The following PPA2 variants were observed in gnomAD, a reference collection of about 807,000 sequenced individuals.
PPA2 encodes inorganic pyrophosphatase 2, mitochondrial.
PPA2 carries 48 observed loss-of-function variants against 49.5 expected under a neutral mutation model. The ratio of observed to expected loss-of-function variants is 0.97; its 90% CI spans 0.77 to 1.23. PPA2 has a LOEUF of 1.23. Ranked by LOEUF, PPA2 falls within the 50% of genes most tolerant of loss-of-function variation. The pLI, the probability that PPA2 is intolerant of heterozygous loss-of-function variation, is 0.00. For synonymous variants in PPA2, 131 were observed against 139.9 expected, an observed-to-expected ratio of 0.94 and a Z score of 0.45; for missense variants, 429 against 410.1, an observed-to-expected ratio of 1.05 and a Z score of -0.40.
At chr4:105,398,944 T>C in intron 8 of PPA2, 93 bp downstream of exon 8, 2 of 1,363,510 alleles carry the variant, frequency 1.5e-6, no homozygotes, top group Non-Finnish European at 2.0e-6. Context: ...AACCATGCTA[T>C]ATATACATAT....
intron 7 of PPA2, among the ~76,000 whole-genome samples, chr4:105,421,357 G>A (rs1006127921): frequency 6.6e-6 from 1 of 152,132 alleles, no homozygotes; most frequent in Non-Finnish European, 1.5e-5. Context: ...GAGAAGATGA[G>A]GTGGGAGGTA....
chr4:105,411,641 A>T (rs887700364), intron 7 of PPA2, among the ~76,000 whole-genome samples: 2 of 152,262 alleles, frequency 1.3e-5, no homozygotes, highest in African/African-American at 4.8e-5. Flanking sequence ...GAAAAGAGGA[A>T]GTCAAATTGT....
intron 5 of PPA2, among the ~76,000 whole-genome samples, chr4:105,441,275 C>T (rs567809280): frequency 1.3e-3 from 194 of 152,124 alleles, no homozygotes; most frequent in African/African-American, 4.6e-3. Flanking sequence ...GGCAACCCAA[C>T]TAAAATGGGT....
rs1004842210 is a variant in PPA2 at position 105,398,833 on chromosome 4, T to C, written c.783+204A>G. On this transcript the variant is annotated intron_variant, in intron 8 of 11. Transcript: ENST00000341695. ...AGCTATAGACACATAGATGGAAATA[T>C]ATATTTTTCAGCCTTGTTGATTCAC... The C allele has an allele frequency of 6.8e-6, 3 of 443,478 alleles. No individual in the cohort carries two copies. In the South Asian group the frequency reaches 1.3e-4, roughly 19 times the overall value. The allele number at this position is 443,478 out of a possible 1,614,324, so 27.5% of individuals were successfully genotyped here.
chr4:105,469,172 G>A (rs1457100093), intron 1 of PPA2, among the ~76,000 whole-genome samples: 7 of 152,106 alleles, frequency 4.6e-5, no homozygotes, highest in African/African-American at 1.7e-4. Flanking sequence ...ATAAATGATT[G>A]TAGTCACTGT....
intron 9 of PPA2, among the ~76,000 whole-genome samples, chr4:105,395,979 A>T (rs927360545): frequency 6.6e-6 from 1 of 152,180 alleles, no homozygotes; most frequent in African/African-American, 2.4e-5. Flanking sequence ...TACATGCTGA[A>T]AAATTGCGTT....
chr4:105,373,332 G>A (rs915784168), intron 10 of PPA2, among the ~76,000 whole-genome samples: 3 of 152,036 alleles, frequency 2.0e-5, no homozygotes, highest in Non-Finnish European at 2.9e-5. Flanking sequence ...GGGATTTGAC[G>A]GCTCTGTTTT....
At chr4:105,441,406 A>G (rs1208758354) in intron 5 of PPA2, among the ~76,000 whole-genome samples, 1 of 152,166 alleles carries the variant, frequency 6.6e-6, no homozygotes, top group Non-Finnish European at 1.5e-5. Flanking sequence ...TATTTCAAAA[A>G]CCTAAAAATC....
At chr4:105,381,814 C>T (rs1211472690) in intron 10 of PPA2, among the ~76,000 whole-genome samples, 2 of 151,934 alleles carry the variant, frequency 1.3e-5, no homozygotes, top group African/African-American at 4.8e-5. Flanking sequence ...GAAAACCCAG[C>T]TTTTGTTTTA....
At chr4:105,459,630 G>A (rs1437566716) in intron 1 of PPA2, among the ~76,000 whole-genome samples, 1 of 152,058 alleles carries the variant, frequency 6.6e-6, no homozygotes, top group Non-Finnish European at 1.5e-5. Context: ...AGCTTTATTC[G>A]GAATCACCAA....
intron 7 of PPA2, chr4:105,423,371 TAA>T (rs1010659444): frequency 2.0e-5 from 3 of 151,982 alleles, no homozygotes; most frequent in Non-Finnish European, 4.4e-5. Context: ...GGTTTACAAG[TAA>T]AGAGGATCCT....
At chr4:105,464,404 A>G (rs879556679) in intron 1 of PPA2, among the ~76,000 whole-genome samples, 1 of 152,218 alleles carries the variant, frequency 6.6e-6, no homozygotes, top group African/African-American at 2.4e-5. Flanking sequence ...GCTCATAGGT[A>G]GAAGGGACTT....
chr4:105,386,961 A>G (rs1223374362), intron 9 of PPA2, among the ~76,000 whole-genome samples: 1 of 152,218 alleles, frequency 6.6e-6, no homozygotes, highest in South Asian at 2.1e-4. Flanking sequence ...GAAAAGAGGA[A>G]GCAAATTTGA....
chr4:105,377,601 G>C (rs566756620), intron 10 of PPA2, among the ~76,000 whole-genome samples: 4 of 152,178 alleles, frequency 2.6e-5, no homozygotes, highest in South Asian at 4.1e-4. Flanking sequence ...AATTTGATAA[G>C]TTTTGACATA....
At chr4:105,454,334 G>C (rs1173715021) in intron 2 of PPA2, among the ~76,000 whole-genome samples, 4 of 147,744 alleles carry the variant, frequency 2.7e-5, no homozygotes, top group Admixed American at 1.3e-4. Context: ...TGTTGTTGTT[G>C]TTGTTGTTTT....
At chr4:105,385,633 T>C (rs1733651055) in intron 10 of PPA2, among the ~76,000 whole-genome samples, 1 of 152,080 alleles carries the variant, frequency 6.6e-6, no homozygotes, top group African/African-American at 2.4e-5. Flanking sequence ...ATACAAGTAA[T>C]ATTACTTGAT....
At chr4:105,400,535 A>C (rs1269639550) in intron 7 of PPA2, among the ~76,000 whole-genome samples, 1 of 152,208 alleles carries the variant, frequency 6.6e-6, no homozygotes, top group Non-Finnish European at 1.5e-5. Context: ...CAGGAGGCTG[A>C]GGCAGGAGAA....
rs1186281018 is a variant in PPA2 at position 105,369,308 on chromosome 4, T to G, written c.*417A>C. 2.0e-5 allele frequency: 3 copies of G among 153,760 alleles called. No individual in the cohort carries two copies. Among genetic ancestry groups the G allele is most frequent in the African/African-American group, 7.3e-5 (3 of 41,144 alleles). 9.5% of individuals were successfully genotyped at this position (153,760 alleles called of 1,614,324 possible). On this transcript the variant is annotated 3_prime_UTR_variant, in exon 12 of 12. Coordinates refer to ENST00000341695, the MANE Select transcript of PPA2 (RefSeq NM_176869.3). ...GGCACAATCTCTGCTCACTGCAACC[T>G]CTGCCTCCTGGGCTCAAGCAGTTCT...
At chr4:105,426,935 C>T (rs138356838) in intron 6 of PPA2, among the ~76,000 whole-genome samples, 20 of 152,330 alleles carry the variant, frequency 1.3e-4, no homozygotes, top group Middle Eastern at 3.4e-3. Context: ...AGCCTGACTG[C>T]GAGACACCTC....
Sources: allele counts gnomAD v4.1 joint callset (sites outside exome capture counted in the v4.1 genomes callset), GRCh38; gene constraint gnomAD v4.1.1; transcripts MANE v1.5; gene names NCBI Gene and HGNC (gene_info 2026-07-23, HGNC 2026-07-21).